The following DOCK3 variants were observed in gnomAD, a reference collection of about 807,000 sequenced individuals.
DOCK3 encodes dedicator of cytokinesis 3.
DOCK3 carries 60 observed loss-of-function variants against 265.6 expected under a neutral mutation model. That is an observed-to-expected ratio of 0.23 (90% CI 0.18 to 0.28). The LOEUF is 0.28. DOCK3 is among the 10% of genes least tolerant of loss of function. The pLI is 1.00. For missense variants in DOCK3, 1,981 were observed against 2,594.3 expected (o/e 0.76, Z 5.14); for synonymous variants, 881 against 938.0 (o/e 0.94, Z 1.11).
At chr3:50,703,939 G>C (rs1395777024) in intron 1 of DOCK3, among the ~76,000 whole-genome samples, 1 of 150,530 alleles carries the variant, frequency 6.6e-6, no homozygotes, top group African/African-American at 2.4e-5. Context: ...CCTTAGCTTT[G>C]CTTTTTCCAT....
intron 27 of DOCK3, among the ~76,000 whole-genome samples, chr3:51,296,283 C>T (rs903324007): frequency 6.6e-6 from 1 of 152,148 alleles, no homozygotes; most frequent in Non-Finnish European, 1.5e-5. Flanking sequence ...GATTGACAGT[C>T]TGAGCCTTCA....
chr3:51,282,647 C>G (rs2081188659), intron 27 of DOCK3, among the ~76,000 whole-genome samples: 2 of 130,810 alleles, frequency 1.5e-5, no homozygotes, highest in South Asian at 5.0e-4. Context: ...GAGTGAAACT[C>G]TGTCTCAAAA....
In DOCK3 at chr3:51,276,142, G is replaced by A. The variant is rs539988215; in HGVS notation, c.2676+936G>A. Among the ~76,000 whole-genome samples the A allele has an allele frequency of 1.7e-4, 26 of 152,290 alleles. No individual in the cohort carries two copies. In the East Asian group the frequency reaches 5.0e-3, roughly 29 times the overall value. On this transcript the variant is annotated intron_variant, in intron 25 of 52. Transcript: ENST00000266037. ...GCACCTTAAAAAAAGAGTATATTTT[G>A]TTCGAGCAGGGGACAGGGACTCAAT...
intron 9 of DOCK3, among the ~76,000 whole-genome samples, chr3:51,095,909 CAA>C (rs796742806): frequency 5.6e-5 from 3 of 54,022 alleles, no homozygotes; most frequent in Admixed American, 2.0e-4. Context: ...TGCTCTCTGG[CAA>C]AAAAAAAAAA....
chr3:50,781,258 A>G (rs1303345776), intron 2 of DOCK3, among the ~76,000 whole-genome samples: 5 of 141,234 alleles, frequency 3.5e-5, no homozygotes, highest in Non-Finnish European at 7.6e-5. Context: ...GCTAGATCAT[A>G]TAGTAGTTCT....
At position 51,121,317 on chromosome 3, in the gene DOCK3, T is replaced by C. The variant is rs1345018713; in HGVS notation, c.747-25232T>C. 2.0e-5 allele frequency among the ~76,000 whole-genome samples: 3 copies of C among 152,180 alleles called. No homozygotes were observed. The East Asian group carries it at 5.8e-4, about 29-fold the overall frequency. ...CTGCTTCTGCTCGCCCTCCATGGGC[T>C]ACACCCACTGTGTAACCAGTCCCAG... On this transcript the variant is annotated intron_variant, in intron 9 of 52. Coordinates refer to ENST00000266037, the MANE Select transcript of DOCK3 (RefSeq NM_004947.5).
chr3:50,676,220 T>C (rs1023685023), intron 1 of DOCK3, among the ~76,000 whole-genome samples: 2 of 152,248 alleles, frequency 1.3e-5, no homozygotes, highest in African/African-American at 2.4e-5. Flanking sequence ...TTCCCATCTT[T>C]ACCGCAATTT....
intron 12 of DOCK3, among the ~76,000 whole-genome samples, chr3:51,208,013 T>C (rs1476482248): frequency 6.6e-6 from 1 of 152,222 alleles, no homozygotes. Context: ...AATGGTTACG[T>C]GGTTGCAGTT....
At chr3:51,109,828 G>A (rs2083438282) in intron 9 of DOCK3, among the ~76,000 whole-genome samples, 1 of 152,004 alleles carries the variant, frequency 6.6e-6, no homozygotes, top group South Asian at 2.1e-4. Flanking sequence ...AGCTACTCGT[G>A]AGGCCAAAGT....
chr3:51,341,413 C>A lies in DOCK3; in HGVS notation c.3915+28C>A, dbSNP rs753424205. On this transcript the variant is annotated intron_variant, in intron 38 of 52. Transcript: ENST00000266037. ...ATGCATCATTAGGCAAGCCCTTTAG[C>A]CCTTCAGCTTCTGCTGTGATGCATG... 12 of 1,611,338 alleles carry A rather than the reference C, an allele frequency of 7.4e-6. No homozygotes were observed. In the East Asian group the frequency reaches 2.7e-4, roughly 36 times the overall value.
At chr3:50,913,193 C>T (rs542422904) in intron 4 of DOCK3, among the ~76,000 whole-genome samples, 2 of 152,100 alleles carry the variant, frequency 1.3e-5, no homozygotes, top group African/African-American at 2.4e-5. Context: ...GTGGGTCCTT[C>T]CCTTCAAGGC....
At chr3:50,703,296 G>T (rs2036171483) in intron 1 of DOCK3, among the ~76,000 whole-genome samples, 2 of 152,040 alleles carry the variant, frequency 1.3e-5, no homozygotes, top group African/African-American at 4.8e-5. Flanking sequence ...ATGTTGGCCT[G>T]TAGTTTTCTC....
At chr3:50,909,570 A>AG (rs1482893569) in intron 4 of DOCK3, among the ~76,000 whole-genome samples, 3 of 146,888 alleles carry the variant, frequency 2.0e-5, no homozygotes, top group African/African-American at 7.5e-5. Flanking sequence ...GTTTCCACTG[A>AG]GGGGTCTGCT....
intron 9 of DOCK3, among the ~76,000 whole-genome samples, chr3:51,144,724 A>ATAT (rs2085219679): frequency 6.6e-6 from 1 of 152,242 alleles, no homozygotes; most frequent in Non-Finnish European, 1.5e-5. Context: ...ATGAGGAAAA[A>ATAT]GTACCTTGTA....
At chr3:51,067,426 T>TG (rs2081632571) in intron 6 of DOCK3, among the ~76,000 whole-genome samples, 60 of 118,398 alleles carry the variant, frequency 5.1e-4, no homozygotes, top group African/African-American at 1.9e-3. Flanking sequence ...ATGAAATATG[T>TG]TTGTGTGTGT....
At chr3:51,126,721 C>T (rs1048301030) in intron 9 of DOCK3, among the ~76,000 whole-genome samples, 2 of 152,130 alleles carry the variant, frequency 1.3e-5, no homozygotes, top group African/African-American at 4.8e-5. Context: ...TTGTAGCTCA[C>T]CACATTAAGC....
intron 2 of DOCK3, among the ~76,000 whole-genome samples, chr3:50,820,568 C>T (rs2106908580): frequency 6.6e-6 from 1 of 152,280 alleles, no homozygotes; most frequent in African/African-American, 2.4e-5. Flanking sequence ...TTTATCCAAT[C>T]CACCATTGAT....
At chr3:51,352,486 T>C (rs1427020862) in intron 40 of DOCK3, among the ~76,000 whole-genome samples, 1 of 152,156 alleles carries the variant, frequency 6.6e-6, no homozygotes, top group Non-Finnish European at 1.5e-5. Flanking sequence ...ATCTAAGCCA[T>C]CCACATCATG....
At chr3:51,275,026 C>T (rs2080734197) in intron 24 of DOCK3, 53 bp from the exon 25 acceptor site, 2 of 1,609,268 alleles carry the variant, frequency 1.2e-6, no homozygotes, top group Admixed American at 3.3e-5. Context: ...TGGCTTCCTG[C>T]AGTAGCTAGT....
Sources: allele counts gnomAD v4.1 joint callset (sites outside exome capture counted in the v4.1 genomes callset), GRCh38; gene constraint gnomAD v4.1.1; transcripts MANE v1.5; gene names NCBI Gene and HGNC (gene_info 2026-07-23, HGNC 2026-07-21).